The following ARID1B variants were observed in gnomAD, a reference collection of about 807,000 sequenced individuals.
ARID1B encodes the protein AT-rich interactive domain-containing protein 1B.
In ARID1B, 30 loss-of-function variants were observed where a neutral mutation model predicts 212.3. The observed-to-expected ratio is 0.14, with a 90% confidence interval of 0.11 to 0.19. The LOEUF is 0.19. Among genes scored for constraint, ARID1B ranks in the 10% least tolerant of loss-of-function variants. The pLI, the probability that ARID1B is intolerant of heterozygous loss-of-function variation, is 1.00. For synonymous variants in ARID1B, 1,402 were observed against 1,301.7 expected, an observed-to-expected ratio of 1.08 and a Z score of -1.66; for missense variants, 2,891 against 3,204.0, an observed-to-expected ratio of 0.90 and a Z score of 2.36.
At position 157,094,551 on chromosome 6, in the gene ARID1B, C is replaced by T. The variant is rs182262669; in HGVS notation, c.2491+9646C>T. Among the ~76,000 whole-genome samples the T allele has an allele frequency of 3.1e-3, 470 of 152,186 alleles. 1 individual carries two copies. The highest frequency in any genetic ancestry group is 0.011 in the African/African-American group (448 of 41,506). On this transcript the variant is annotated intron_variant, in intron 5 of 19. Coordinates refer to ENST00000636930, the MANE Select transcript of ARID1B (RefSeq NM_001374828.1). The surrounding 1 kb of genome is among the most constrained non-coding windows in gnomAD (Gnocchi z 4.3). ...TATATTTTTAGTAGAGATGGGGTTT[C>T]GCCATGTTGGCCAGGCTGGTCTCGA...
chr6:157,138,200 T>TTTGG (rs147835417), intron 7 of ARID1B, among the ~76,000 whole-genome samples: 19,059 of 148,944 alleles, frequency 0.13, 1,317 homozygotes, highest in African/African-American at 0.16. Flanking sequence ...AACCTCCATC[T>TTTGG]TTGGTTGGTT....
rs750032487 is a variant in ARID1B, at chr6:157,167,181, G to C, written c.3231G>C (p.Ser1077=). 6.2e-7 allele frequency: 1 copy of C among 1,605,966 alleles called. No homozygotes were observed. Among genetic ancestry groups the C allele is most frequent in the Admixed American group, 1.7e-5 (1 of 59,872 alleles). The change falls in exon 9 of 20, where the codon TCG becomes TCC. Residue 1077 remains serine, a synonymous_variant. Transcript: ENST00000636930. ...YSMAPAMVNS[S]AASVGLADMM... ...TGGCGCCCGCCATGGTGAACAGCTC[G>C]GCAGGTAACCTTGGCAGCTCTGCGC... is the stretch of plus-strand genomic sequence containing the variant.
intron 4 of ARID1B, among the ~76,000 whole-genome samples, chr6:156,962,216 G>A (rs1250964907): frequency 6.6e-6 from 1 of 152,046 alleles, no homozygotes; most frequent in Non-Finnish European, 1.5e-5. Context: ...GGAGAATGGC[G>A]TGAACCCGGC....
At chr6:156,915,966 C>T (rs998376691) in intron 3 of ARID1B, among the ~76,000 whole-genome samples, 3 of 151,172 alleles carry the variant, frequency 2.0e-5, no homozygotes, top group Non-Finnish European at 4.4e-5. Context: ...AAATTACGCG[C>T]CCCACCCCCC....
At position 157,207,060 on chromosome 6, in the gene ARID1B, G is replaced by C; in HGVS notation, c.6288G>C (p.Leu2096=). 1 of 1,614,210 alleles carries C rather than the reference G, an allele frequency of 6.2e-7. No individual in the cohort carries two copies. ...AEMSKHPGLV[L]ILGKLILLHH... ...TGTCCAAACATCCAGGCCTGGTGCTGATCCTGGGGAAGCTGATTCTTCTTC... is the reference window on the plus strand; with the variant it reads ...TGTCCAAACATCCAGGCCTGGTGCTCATCCTGGGGAAGCTGATTCTTCTTC... Residue 2096 remains leucine, a synonymous_variant, in exon 20 of 20, where the codon CTG becomes CTC. Coordinates refer to ENST00000636930, the MANE Select transcript of ARID1B (RefSeq NM_001374828.1). The surrounding 1 kb of genome is among the most constrained non-coding windows in gnomAD (Gnocchi z 8.5).
At chr6:157,113,580 G>T (rs1041828433) in intron 6 of ARID1B, among the ~76,000 whole-genome samples, 2 of 152,166 alleles carry the variant, frequency 1.3e-5, no homozygotes, top group East Asian at 3.9e-4. Flanking sequence ...TATCTCGTGA[G>T]TTCTCATGAG....
intron 8 of ARID1B, chr6:157,166,242 T>C (rs1235188440): frequency 6.6e-6 from 1 of 152,232 alleles, no homozygotes; most frequent in Non-Finnish European, 1.5e-5. Context: ...GACAGTTATC[T>C]GCTTCAAATC....
intron 4 of ARID1B, among the ~76,000 whole-genome samples, chr6:157,061,731 C>G (rs191550343): frequency 6.6e-6 from 1 of 152,240 alleles, no homozygotes; most frequent in African/African-American, 2.4e-5. Flanking sequence ...TAACTCTAAT[C>G]CATCCAAAGT....
At chr6:157,147,097 A>ATGAT (rs1466226799) in intron 7 of ARID1B, among the ~76,000 whole-genome samples, 1 of 152,058 alleles carries the variant, frequency 6.6e-6, no homozygotes, top group Non-Finnish European at 1.5e-5. Context: ...AGCAGCTGTT[A>ATGAT]TGATTGAAGT....
At position 156,962,211 on chromosome 6, in the gene ARID1B, A is replaced by C. The variant is rs572606794; in HGVS notation, c.2247+26635A>C. 7.1e-3 allele frequency among the ~76,000 whole-genome samples: 1,078 copies of C among 152,144 alleles called. 3 individuals are homozygous for C. Among genetic ancestry groups the C allele is most frequent in the Non-Finnish European group, 0.011 (736 of 67,994 alleles). Reference sequence around the variant, plus strand: ...CTACTCGGAAGGCTGAGGCAGGAGAATGGCGTGAACCCGGCGGGCGGAGCT... The same window carrying C: ...CTACTCGGAAGGCTGAGGCAGGAGACTGGCGTGAACCCGGCGGGCGGAGCT... On this transcript the variant is annotated intron_variant, in intron 4 of 19. Transcript: ENST00000636930.
chr6:156,966,386 CTTTTTTTTTTTTTT>C (rs1214987532), intron 4 of ARID1B, among the ~76,000 whole-genome samples: 1 of 38,918 alleles, frequency 2.6e-5, no homozygotes, highest in African/African-American at 7.8e-5. Context: ...CTTTTCTTTT[CTTTTTTTTTTTTTT>C]TTTTTTTTTT....
chr6:157,055,258 T>C (rs1029460391), intron 4 of ARID1B, among the ~76,000 whole-genome samples: 9 of 152,242 alleles, frequency 5.9e-5, no homozygotes, highest in African/African-American at 2.2e-4. Flanking sequence ...ATACAGATCA[T>C]TAATTGGTTA....
At chr6:157,062,426 A>G (rs548225041) in intron 4 of ARID1B, among the ~76,000 whole-genome samples, 2 of 151,848 alleles carry the variant, frequency 1.3e-5, no homozygotes, top group Admixed American at 1.3e-4. Flanking sequence ...TTGAATTCCT[A>G]GCTTCAAGCA....
At chr6:157,167,317 C>A in intron 9 of ARID1B, 132 bp downstream of exon 9, 9 of 1,127,950 alleles carry the variant, frequency 8.0e-6, no homozygotes, top group Non-Finnish European at 8.5e-6. Context: ...TACTACTTTT[C>A]TGCTTCTCAG....
Position 156,955,891 on chromosome 6 carries a change from C to T in ARID1B, c.2247+20315C>T, listed in dbSNP as rs1359024302. On this transcript the variant is annotated intron_variant, in intron 4 of 19. Coordinates refer to ENST00000636930, the MANE Select transcript of ARID1B (RefSeq NM_001374828.1). This position sits in a 1 kb window ranked among gnomAD's most constrained non-coding sequence, Gnocchi z 4.2. ...AAACCCTATCCTGTTAGGAAGGTTA[C>T]TGGAGGCCGCTGGTGGTGGAAGCCG... Among the ~76,000 whole-genome samples the T allele has an allele frequency of 6.6e-6, 1 of 152,164 alleles. No homozygotes were observed. Among genetic ancestry groups the T allele is most frequent in the South Asian group, 2.1e-4 (1 of 4,826 alleles).
At chr6:157,107,336 C>T (rs1786566052) in intron 5 of ARID1B, among the ~76,000 whole-genome samples, 2 of 151,234 alleles carry the variant, frequency 1.3e-5, no homozygotes, top group Admixed American at 1.3e-4. Flanking sequence ...TTTAGGTAAG[C>T]TTCTCTTCTC....
chr6:157,149,368 A>C, intron 8 of ARID1B: 1 of 189,168 alleles, frequency 5.3e-6, no homozygotes, highest in East Asian at 1.1e-4. Context: ...TTTTCACCCT[A>C]CCACAAGAAT....
chr6:156,867,063 G>A lies in ARID1B; in HGVS notation c.1987-34313G>A, dbSNP rs117197422. Among the ~76,000 whole-genome samples the A allele has an allele frequency of 5.9e-5, 9 of 152,226 alleles. No homozygotes were observed. The East Asian group carries it at 1.5e-3, about 26-fold the overall frequency. On this transcript the variant is annotated intron_variant, in intron 2 of 19. Coordinates refer to ENST00000636930, the MANE Select transcript of ARID1B (RefSeq NM_001374828.1). The stretch of plus-strand genomic sequence containing the variant: ...ATAATGCTATTTGTGTATTTTCCTT[G>A]GAGTCTTCTGTGACCTGTCTTTCAG...
At chr6:156,904,188 C>T (rs1789174993) in intron 3 of ARID1B, among the ~76,000 whole-genome samples, 1 of 152,064 alleles carries the variant, frequency 6.6e-6, no homozygotes, top group South Asian at 2.1e-4. Flanking sequence ...TTTATTTTTA[C>T]CCTATTTTTA....
Sources: gnomAD v4.1 joint callset for allele counts (sites outside exome capture counted in the v4.1 genomes callset) on GRCh38, gnomAD v4.1.1 for gene constraint, Gnocchi (gnomAD v3.1) non-coding constraint, MANE v1.5 for transcripts, NCBI Gene and HGNC (gene_info 2026-07-23, HGNC 2026-07-21) for gene names.